Variants in SHISA6 observed in about 807,000 individuals in gnomAD.
SHISA6 encodes the protein protein shisa-6.
Under a neutral mutation model 47.9 loss-of-function variants are expected in SHISA6, and 22 were observed. That is an observed-to-expected ratio of 0.46 (90% confidence interval 0.33 to 0.66). SHISA6 has a LOEUF of 0.66. SHISA6 is among the 30% of genes least tolerant of loss of function. SHISA6 has a pLI of 0.02. For missense variants in SHISA6, 680 were observed against 764.6 expected (o/e 0.89, Z 1.30); for synonymous variants, 388 against 337.8 (o/e 1.15, Z -1.63).
intron 3 of SHISA6, among the ~76,000 whole-genome samples, chr17:11,439,980 C>G (rs1291689952): frequency 1.3e-5 from 2 of 152,192 alleles, no homozygotes; most frequent in Non-Finnish European, 2.9e-5. Flanking sequence ...AAGGGAAAGA[C>G]AACCCAGGTG....
At chr17:11,438,941 G>A (rs1413748037) in intron 3 of SHISA6, among the ~76,000 whole-genome samples, 2 of 152,092 alleles carry the variant, frequency 1.3e-5, no homozygotes, top group African/African-American at 4.8e-5. Flanking sequence ...ACTGGTAAGG[G>A]AATAGGGGAA....
At chr17:11,533,882 C>T (rs1468219676) in intron 3 of SHISA6, among the ~76,000 whole-genome samples, 7 of 151,984 alleles carry the variant, frequency 4.6e-5, no homozygotes, top group East Asian at 3.9e-4. Context: ...TGAGCCACCG[C>T]GCCCAGCCTC....
At chr17:11,362,059 C>A (rs113310148) in intron 2 of SHISA6, among the ~76,000 whole-genome samples, 13 of 152,224 alleles carry the variant, frequency 8.5e-5, no homozygotes, top group Non-Finnish European at 1.8e-4. Flanking sequence ...ACATATTATT[C>A]TTTTCATTTT....
chr17:11,314,841 A>G (rs1910454334), intron 2 of SHISA6, among the ~76,000 whole-genome samples: 1 of 152,048 alleles, frequency 6.6e-6, no homozygotes, highest in Admixed American at 6.6e-5. Flanking sequence ...CACCTGGCCC[A>G]TGCTCGTTTT....
chr17:11,533,875 G>C (rs2071760773), intron 3 of SHISA6, among the ~76,000 whole-genome samples: 1 of 152,130 alleles, frequency 6.6e-6, no homozygotes, highest in Non-Finnish European at 1.5e-5. Flanking sequence ...ACAGGCGTGA[G>C]CCACCGCGCC....
intron 3 of SHISA6, among the ~76,000 whole-genome samples, chr17:11,525,647 A>AC (rs1226752510): frequency 1.1e-4 from 6 of 53,632 alleles, no homozygotes; most frequent in Admixed American, 7.5e-4. Flanking sequence ...AAAAAAAAAA[A>AC]AAAACAAAAA....
chr17:11,392,644 T>A (rs205061), intron 3 of SHISA6, among the ~76,000 whole-genome samples: 121,988 of 152,148 alleles, frequency 0.8, 49,992 homozygotes, highest in East Asian at 0.94. Context: ...ACCAGAATCG[T>A]GAGCGAAATA....
chr17:11,327,454 A>G (rs1450957668), intron 2 of SHISA6, among the ~76,000 whole-genome samples: 1 of 152,260 alleles, frequency 6.6e-6, no homozygotes, highest in African/African-American at 2.4e-5. Context: ...TAAGAAAAGG[A>G]AAGAAAAGCA....
At chr17:11,554,756 C>T (rs2071960888) in intron 4 of SHISA6, among the ~76,000 whole-genome samples, 1 of 152,090 alleles carries the variant, frequency 6.6e-6, no homozygotes, top group Non-Finnish European at 1.5e-5. Flanking sequence ...GTCTGTGAAG[C>T]ACTGAGGCAT....
intron 2 of SHISA6, among the ~76,000 whole-genome samples, chr17:11,379,131 A>T (rs1053759626): frequency 6.7e-6 from 1 of 148,340 alleles, no homozygotes; most frequent in East Asian, 1.9e-4. Context: ...TATACTAGAT[A>T]TATATATAAG....
chr17:11,301,307 T>G (rs1044665532), intron 2 of SHISA6, among the ~76,000 whole-genome samples: 20 of 152,046 alleles, frequency 1.3e-4, no homozygotes, highest in African/African-American at 4.6e-4. Flanking sequence ...AATTACACAT[T>G]CTCCAGGCAT....
intron 2 of SHISA6, among the ~76,000 whole-genome samples, chr17:11,327,552 T>C (rs1910941131): frequency 6.6e-6 from 1 of 152,206 alleles, no homozygotes; most frequent in Non-Finnish European, 1.5e-5. Flanking sequence ...GACCCAGCAC[T>C]TTGGGAGGCC....
intron 3 of SHISA6, among the ~76,000 whole-genome samples, chr17:11,470,202 AG>A (rs1340519468): frequency 6.6e-6 from 1 of 152,186 alleles, no homozygotes; most frequent in Non-Finnish European, 1.5e-5. Flanking sequence ...GTTTATTAGA[AG>A]ACTGTAGCCG....
At chr17:11,474,452 C>A (rs916279644) in intron 3 of SHISA6, among the ~76,000 whole-genome samples, 3 of 141,842 alleles carry the variant, frequency 2.1e-5, no homozygotes, top group Admixed American at 1.5e-4. Flanking sequence ...CTTGTAGATT[C>A]TGGATAGTAG....
chr17:11,388,810 A>T (rs1597488715), intron 3 of SHISA6, among the ~76,000 whole-genome samples: 12 of 93,164 alleles, frequency 1.3e-4, no homozygotes, highest in South Asian at 4.4e-4. Context: ...ATATATATAT[A>T]TATATATATA....
At chr17:11,532,739 C>CTTTTTTTTTTTTTT (rs71142217) in intron 3 of SHISA6, among the ~76,000 whole-genome samples, 4 of 71,304 alleles carry the variant, frequency 5.6e-5, no homozygotes, top group African/African-American at 5.8e-5. Flanking sequence ...TCTATCAGGG[C>CTTTTTTTTTTTTTT]TTTTTTTTTT....
rs569669031 is a variant in SHISA6 at position 11,254,889 on chromosome 17, C to A, written c.639-8477C>A. On this transcript the variant is annotated intron_variant, in intron 1 of 5. Coordinates refer to ENST00000441885, the MANE Select transcript of SHISA6 (RefSeq NM_207386.4). ...GTTCAACTTCACACTGGGGCAGAGG[C>A]TGTCCACCCAGAAATGGGGTTATAA... Among the ~76,000 whole-genome samples the A allele has an allele frequency of 4.0e-4, 61 of 152,358 alleles. 1 individual carries two copies. In the Middle Eastern group the frequency reaches 0.01, roughly 25 times the overall value.
At chr17:11,256,668 A>G (rs966989605) in intron 1 of SHISA6, among the ~76,000 whole-genome samples, 2 of 152,124 alleles carry the variant, frequency 1.3e-5, no homozygotes, top group Non-Finnish European at 2.9e-5. Flanking sequence ...TTCCAATAAT[A>G]ATAGGTGCAC....
chr17:11,325,483 A>C (rs1231160079), intron 2 of SHISA6, among the ~76,000 whole-genome samples: 1 of 152,216 alleles, frequency 6.6e-6, no homozygotes, highest in African/African-American at 2.4e-5. Flanking sequence ...GGGCACTGAC[A>C]ACCTTTAGGT....
Sources: gnomAD v4.1 joint callset for allele counts (sites outside exome capture counted in the v4.1 genomes callset) on GRCh38, gnomAD v4.1.1 for gene constraint, MANE v1.5 for transcripts, NCBI Gene and HGNC (gene_info 2026-07-23, HGNC 2026-07-21) for gene names.